Variants in SENP6 observed in about 807,000 individuals in gnomAD.
SENP6 encodes the protein sentrin-specific protease 6.
Under a neutral mutation model 134.5 loss-of-function variants are expected in SENP6, and 41 were observed. The observed-to-expected ratio is 0.30, with a 90% CI of 0.24 to 0.40. SENP6 has a LOEUF of 0.40. SENP6 is among the 10% of genes least tolerant of loss of function. The probability of loss-of-function intolerance (pLI) is 1.00; values close to 1 mark genes in which losing one functional copy is unlikely to be tolerated. For missense variants in SENP6, 1,248 were observed against 1,312.5 expected (o/e 0.95, Z 0.76); for synonymous variants, 395 against 429.8 (o/e 0.92, Z 1.00).
chr6:75,692,975 G>GT (rs1386220493), intron 16 of SENP6, among the ~76,000 whole-genome samples: 1 of 152,164 alleles, frequency 6.6e-6, no homozygotes, highest in Non-Finnish European at 1.5e-5. Context: ...GGAGGAAGAG[G>GT]TAAGAGGATG....
chr6:75,632,251 T>C (rs1582714720), intron 3 of SENP6, among the ~76,000 whole-genome samples: 1 of 152,326 alleles, frequency 6.6e-6, no homozygotes, highest in African/African-American at 2.4e-5. Flanking sequence ...GAGGAGTGGT[T>C]AAATTAAAAT....
intron 23 of SENP6, 109 bp from the exon 24 acceptor site, chr6:75,715,276 A>G: frequency 1.3e-6 from 1 of 781,950 alleles, no homozygotes; most frequent in South Asian, 1.7e-5. Context: ...AGAAATACAT[A>G]TTGAATGCGT....
At position 75,647,417 on chromosome 6, in the gene SENP6, ATACT is replaced by A. The variant is rs1382669859; in HGVS notation, c.480-312_480-309del. On this transcript the variant is annotated intron_variant, in intron 6 of 23. Transcript: ENST00000447266. ...TAATGTAATCATACTACAAGACTAA[ATACT>A]TGTTCCACGATTGCTGATCTTGTAC... is the stretch of plus-strand genomic sequence containing the variant. The A allele has an allele frequency of 1.4e-5, 3 of 213,842 alleles. No individual in the cohort carries two copies. In the East Asian group the frequency reaches 3.9e-4, roughly 28 times the overall value. The allele number at this position is 213,842 out of a possible 1,614,324, so 13.2% of individuals were successfully genotyped here. A position where few individuals can be genotyped will look rare whatever the true frequency, so the allele number is the denominator to read the frequency against.
Position 75,670,724 on chromosome 6 carries a change from A to G in SENP6, c.1392+4A>G. 6.3e-7 allele frequency: 1 copy of G among 1,594,586 alleles called. No homozygotes were observed. Among genetic ancestry groups the G allele is most frequent in the Non-Finnish European group, 8.6e-7 (1 of 1,167,482 alleles). ...GCTGTTAATAGAGCCTGTAATTGTA[A>G]GTACATCTTAAGCTCTTTACTATAC... On this transcript the variant is annotated splice_donor_region_variant and intron_variant, in intron 11 of 23. Coordinates refer to ENST00000447266, the MANE Select transcript of SENP6 (RefSeq NM_015571.4).
In SENP6 at chr6:75,614,638, C is replaced by T. The variant is rs191616774; in HGVS notation, c.53-6894C>T. Among the ~76,000 whole-genome samples the T allele has an allele frequency of 3.3e-5, 5 of 152,214 alleles. No homozygotes were observed. The East Asian group carries it at 5.8e-4, about 18-fold the overall frequency. On this transcript the variant is annotated intron_variant, in intron 1 of 23. Coordinates refer to ENST00000447266, the MANE Select transcript of SENP6 (RefSeq NM_015571.4). ...TGAAACCTGTAAATAACTTGTTTCTCGTCAGATTTCACCCACTGGTTCAGC... is the reference window on the plus strand; with the variant it reads ...TGAAACCTGTAAATAACTTGTTTCTTGTCAGATTTCACCCACTGGTTCAGC...
Position 75,666,725 on chromosome 6 carries a change from T to C in SENP6, c.1008T>C (p.Ser336=), listed in dbSNP as rs1562025377. 3 of 1,507,122 alleles carry C rather than the reference T, an allele frequency of 2.0e-6. No homozygotes were observed. Among genetic ancestry groups the C allele is most frequent in the African/African-American group, 1.4e-5 (1 of 73,014 alleles). 93.4% of individuals were successfully genotyped at this position (1,507,122 alleles called of 1,614,324 possible). A position where few individuals can be genotyped will look rare whatever the true frequency, so the allele number is the denominator to read the frequency against. The change falls in exon 10 of 24, where the codon AGT becomes AGC. Residue 336 remains serine, a synonymous_variant. Coordinates refer to ENST00000447266, the MANE Select transcript of SENP6 (RefSeq NM_015571.4). ...SDLNDPIILS[S]DDDDDNDRTN... ...AAATACTTTTAGTCATTTTGTCCAG[T>C]GATGATGATGATGACAACGACAGAA...
intron 3 of SENP6, 148 bp from the exon 4 acceptor site, chr6:75,633,433 G>A (rs1462690697): frequency 3.2e-6 from 2 of 617,678 alleles, no homozygotes; most frequent in Non-Finnish European, 5.1e-6. Context: ...GTAGGCAGTT[G>A]AATTATTCTT....
intron 19 of SENP6, among the ~76,000 whole-genome samples, chr6:75,706,180 G>T (rs1775397515): frequency 6.6e-6 from 1 of 151,758 alleles, no homozygotes; most frequent in South Asian, 2.1e-4. Context: ...GGCTTTTGGG[G>T]GTGGGCAGGT....
intron 7 of SENP6, among the ~76,000 whole-genome samples, chr6:75,654,747 A>G (rs1771180028): frequency 6.6e-6 from 1 of 152,240 alleles, no homozygotes. Flanking sequence ...TAGTATCACA[A>G]CTAAAATCTC....
chr6:75,694,527 AC>A (rs1161995115), intron 16 of SENP6, among the ~76,000 whole-genome samples: 2 of 152,208 alleles, frequency 1.3e-5, no homozygotes, highest in Non-Finnish European at 2.9e-5. Flanking sequence ...GAAGCCTAGT[AC>A]CCATTAGCAA....
In SENP6 at chr6:75,670,729, AT is replaced by A. The variant is rs1772608077; in HGVS notation, c.1392+10del. The stretch of plus-strand genomic sequence containing the variant: ...TAATAGAGCCTGTAATTGTAAGTAC[AT>A]CTTAAGCTCTTTACTATACCAATTA... On this transcript the variant is annotated intron_variant, in intron 11 of 23. Transcript: ENST00000447266. 2 of 1,579,690 alleles carry A rather than the reference AT, an allele frequency of 1.3e-6. No individual in the cohort carries two copies. Among genetic ancestry groups the A allele is most frequent in the Non-Finnish European group, 1.7e-6 (2 of 1,157,860 alleles).
At chr6:75,654,159 G>A (rs1032315463) in intron 7 of SENP6, among the ~76,000 whole-genome samples, 1 of 152,214 alleles carries the variant, frequency 6.6e-6, no homozygotes, top group African/African-American at 2.4e-5. Flanking sequence ...GTCAGGTGAA[G>A]GCTGCAGTGA....
intron 1 of SENP6, among the ~76,000 whole-genome samples, chr6:75,621,123 T>G (rs151077210): frequency 1.2e-3 from 188 of 152,350 alleles, no homozygotes; most frequent in African/African-American, 4.2e-3. Flanking sequence ...AAAAGGCAGG[T>G]ATCGTTGAGT....
chr6:75,634,410 C>A (rs924199529), intron 4 of SENP6, among the ~76,000 whole-genome samples: 1 of 152,098 alleles, frequency 6.6e-6, no homozygotes, highest in Non-Finnish European at 1.5e-5. Context: ...CCATGCCCAG[C>A]TAATTTTTAT....
intron 3 of SENP6, among the ~76,000 whole-genome samples, chr6:75,624,438 C>T (rs1768511084): frequency 1.3e-5 from 2 of 151,932 alleles, no homozygotes; most frequent in South Asian, 4.1e-4. Flanking sequence ...GAATGAATTC[C>T]TAGAGGTTGC....
intron 19 of SENP6, among the ~76,000 whole-genome samples, chr6:75,708,432 T>C (rs1423970578): frequency 1.3e-5 from 2 of 151,790 alleles, no homozygotes; most frequent in Non-Finnish European, 2.9e-5. Flanking sequence ...GGAAAATAAA[T>C]AAATAAAAAT....
chr6:75,675,403 C>G, intron 11 of SENP6, 32 bp from the exon 12 acceptor site: 1 of 1,251,048 alleles, frequency 8.0e-7, no homozygotes, highest in South Asian at 1.3e-5. Flanking sequence ...CTTTGTAAGT[C>G]TAGAGCAATA....
intron 1 of SENP6, among the ~76,000 whole-genome samples, chr6:75,603,441 G>A (rs892327239): frequency 2.6e-5 from 4 of 152,110 alleles, no homozygotes; most frequent in African/African-American, 9.7e-5. Flanking sequence ...TTTACACTTT[G>A]TTTAGCAAAA....
At chr6:75,661,358 T>C (rs1231734224) in intron 8 of SENP6, among the ~76,000 whole-genome samples, 1 of 152,252 alleles carries the variant, frequency 6.6e-6, no homozygotes, top group African/African-American at 2.4e-5. Flanking sequence ...TATCACCTAC[T>C]GCTTAGCCTA....
Sources: allele counts gnomAD v4.1 joint callset (sites outside exome capture counted in the v4.1 genomes callset), GRCh38; gene constraint gnomAD v4.1.1; transcripts MANE v1.5; gene names NCBI Gene and HGNC (gene_info 2026-07-23, HGNC 2026-07-21).